Variants in PTPRF observed in about 807,000 individuals in gnomAD.
PTPRF encodes receptor-type tyrosine-protein phosphatase F.
PTPRF carries 59 observed loss-of-function variants against 201.8 expected under a neutral mutation model. The observed-to-expected ratio is 0.29, with a 90% CI of 0.24 to 0.36. The LOEUF is 0.36. Ranked by LOEUF, PTPRF falls within the 10% of genes least tolerant of loss-of-function variation. PTPRF has a pLI of 1.00. For synonymous variants in PTPRF, 1,088 were observed against 1,089.7 expected, an observed-to-expected ratio of 1.00 and a Z score of 0.03; for missense variants, 2,132 against 2,690.5, an observed-to-expected ratio of 0.79 and a Z score of 4.59.
chr1:43,599,443 A>AG (rs1238895384), intron 13 of PTPRF, among the ~76,000 whole-genome samples: 2 of 152,096 alleles, frequency 1.3e-5, no homozygotes, highest in African/African-American at 4.8e-5. Flanking sequence ...TTCCCACAGA[A>AG]AGGGTAGAGA....
chr1:43,577,198 C>T (rs570831406), intron 6 of PTPRF, among the ~76,000 whole-genome samples: 2 of 152,240 alleles, frequency 1.3e-5, no homozygotes, highest in Non-Finnish European at 2.9e-5. Context: ...CCCACACCCC[C>T]CTGCCTCACT....
intron 5 of PTPRF, among the ~76,000 whole-genome samples, chr1:43,562,774 T>C (rs1645894608): frequency 6.6e-6 from 1 of 151,872 alleles, no homozygotes; most frequent in African/African-American, 2.4e-5. Context: ...TGTGGGTGCA[T>C]AGTGGGGGCT....
At chr1:43,559,877 CTATG>C (rs988056341) in intron 5 of PTPRF, among the ~76,000 whole-genome samples, 4 of 139,706 alleles carry the variant, frequency 2.9e-5, no homozygotes, top group South Asian at 2.3e-4. Context: ...GTGTAGCAGG[CTATG>C]TATGTATCAG....
upstream of PTPRF, among the ~76,000 whole-genome samples, chr1:43,529,544 ACCT>A (rs1188051857): frequency 6.6e-6 from 1 of 151,038 alleles, no homozygotes; most frequent in East Asian, 1.9e-4. Context: ...CAGAGGAGAA[ACCT>A]CATCTCTTTT....
upstream of PTPRF, among the ~76,000 whole-genome samples, chr1:43,523,889 A>G (rs1643019762): frequency 7.5e-6 from 1 of 133,662 alleles, no homozygotes; most frequent in Non-Finnish European, 1.7e-5. Flanking sequence ...AGTCTACTAA[A>G]GAAAAAAAAA....
rs1464670322 is a variant in PTPRF, at chr1:43,538,074, G to A, written c.-125-124G>A. Reference sequence around the variant, plus strand: ...TTACCAGATGGGGATGGTTCTACATGAACATTTCCATAACCTGCTTTTTTT... The same window carrying A: ...TTACCAGATGGGGATGGTTCTACATAAACATTTCCATAACCTGCTTTTTTT... On this transcript the variant is annotated intron_variant, in intron 1 of 33. Transcript: ENST00000359947. 4 of 395,372 alleles carry A rather than the reference G, an allele frequency of 1.0e-5. No individual in the cohort carries two copies. The East Asian group carries it at 1.4e-4, about 14-fold the overall frequency. 24.5% of individuals were successfully genotyped at this position (395,372 alleles called of 1,614,324 possible).
intron 2 of PTPRF, among the ~76,000 whole-genome samples, chr1:43,541,007 G>A (rs1044562159): frequency 1.3e-5 from 2 of 152,248 alleles, no homozygotes; most frequent in African/African-American, 4.8e-5. Context: ...AAAGGGCTCG[G>A]TTAGCTGCCC....
intron 11 of PTPRF, among the ~76,000 whole-genome samples, chr1:43,594,346 G>A (rs142538458): frequency 1.1e-4 from 9 of 82,978 alleles, no homozygotes; most frequent in African/African-American, 4.8e-4. Context: ...GAGCACACAG[G>A]CCTCCGGGAG....
intron 26 of PTPRF, 21 bp downstream of exon 26, chr1:43,618,770 A>G (rs1658476710): frequency 1.3e-6 from 2 of 1,589,046 alleles, no homozygotes; most frequent in South Asian, 1.1e-5. Context: ...TCCCCAGTGC[A>G]TATCTCTTAC....
intron 6 of PTPRF, among the ~76,000 whole-genome samples, chr1:43,574,605 A>G (rs927331346): frequency 1.3e-5 from 2 of 152,246 alleles, no homozygotes; most frequent in Admixed American, 6.5e-5. Context: ...CTCTACGTTC[A>G]TGAGAGAAAG....
intron 20 of PTPRF, 85 bp downstream of exon 20, chr1:43,606,543 C>T: frequency 2.3e-6 from 3 of 1,329,278 alleles, no homozygotes; most frequent in South Asian, 2.7e-5. Context: ...CCACAAGACC[C>T]CAGGTCTTTA....
chr1:43,592,428 T>C, intron 10 of PTPRF, 29 bp from the exon 11 acceptor site: 2 of 1,582,662 alleles, frequency 1.3e-6, no homozygotes, highest in East Asian at 2.3e-5. Flanking sequence ...AGCTCAGAGC[T>C]GTCAGTGAGT....
intron 30 of PTPRF, 45 bp downstream of exon 30, chr1:43,620,266 ACAC>A (rs747470633): frequency 1.2e-6 from 2 of 1,608,238 alleles, no homozygotes; most frequent in Non-Finnish European, 1.7e-6. Context: ...ACCTGGGAGA[ACAC>A]CAGCCACCCT....
At position 43,622,002 on chromosome 1, in the gene PTPRF, A is replaced by G. The variant is rs1396842824; in HGVS notation, c.5723A>G (p.Ter1908=). The G allele has an allele frequency of 1.6e-5, 26 of 1,613,872 alleles. No homozygotes were observed. The highest frequency in any genetic ancestry group is 2.7e-5 in the African/African-American group (2 of 74,918). The stretch of plus-strand genomic sequence containing the variant: ...GGCAGCTTTGACCACTATGCAACGT[A>G]ACTACCGCTCCCCTCTCCTCCGCCA... ...YLGSFDHYAT[*] The change falls in exon 34 of 34, where the codon TAA becomes TGA. Residue 1908 remains the stop codon, a stop_retained_variant. Coordinates refer to ENST00000359947, the MANE Select transcript of PTPRF (RefSeq NM_002840.5).
chr1:43,568,500 C>G (rs1347261557), intron 5 of PTPRF, among the ~76,000 whole-genome samples: 3 of 152,200 alleles, frequency 2.0e-5, no homozygotes, highest in African/African-American at 7.2e-5. Context: ...CATGCATGAT[C>G]AGATACAGAC....
At chr1:43,578,076 G>T (rs546199109) in intron 6 of PTPRF, among the ~76,000 whole-genome samples, 154 of 152,308 alleles carry the variant, frequency 1.0e-3, no homozygotes, top group African/African-American at 3.1e-3. Context: ...TACCCACCCC[G>T]ATCCTGGCTC....
At chr1:43,593,760 C>T (rs111317563) in intron 11 of PTPRF, among the ~76,000 whole-genome samples, 1 of 150,692 alleles carries the variant, frequency 6.6e-6, no homozygotes, top group African/African-American at 2.4e-5. Context: ...CCAAGGTGGG[C>T]GGATCACCTG....
intron 1 of PTPRF, among the ~76,000 whole-genome samples, chr1:43,531,680 C>A (rs1171155117): frequency 5.3e-5 from 8 of 151,956 alleles, no homozygotes; most frequent in Admixed American, 3.9e-4. Context: ...CCCCCCACCC[C>A]CTTCGTTCGC....
At chr1:43,548,510 C>T (rs1050114168) in intron 3 of PTPRF, among the ~76,000 whole-genome samples, 4 of 152,170 alleles carry the variant, frequency 2.6e-5, no homozygotes, top group Non-Finnish European at 5.9e-5. Context: ...GGACTTCCCG[C>T]AGATTCCGTT....
Sources: allele counts gnomAD v4.1 joint callset (sites outside exome capture counted in the v4.1 genomes callset), GRCh38; gene constraint gnomAD v4.1.1; transcripts MANE v1.5; gene names NCBI Gene and HGNC (gene_info 2026-07-23, HGNC 2026-07-21).